CDH13: variants seen among roughly 807,000 people sequenced by gnomAD.
CDH13 encodes the protein cadherin-13.
Under a neutral mutation model 63.8 loss-of-function variants are expected in CDH13, and 24 were observed. The observed-to-expected ratio is 0.38, with a 90% CI of 0.27 to 0.53. CDH13 has a LOEUF of 0.53. CDH13 is among the 20% of genes least tolerant of loss of function. CDH13 has a pLI of 0.85. For synonymous variants in CDH13, 503 were observed against 355.3 expected (o/e 1.42, Z -4.67); for missense variants, 1,049 against 903.1 (o/e 1.16, Z -2.07).
chr16:83,061,761 C>G (rs374637457), intron 3 of CDH13, among the ~76,000 whole-genome samples: 2 of 152,154 alleles, frequency 1.3e-5, no homozygotes, highest in African/African-American at 4.8e-5. Context: ...AATAAAGAAG[C>G]CTCACCCCAG....
chr16:83,610,794 G>C (rs776961205), intron 8 of CDH13, among the ~76,000 whole-genome samples: 2 of 152,122 alleles, frequency 1.3e-5, no homozygotes, highest in African/African-American at 4.8e-5. Context: ...TGTGTCTTTT[G>C]GTGCATATTT....
At chr16:83,316,272 G>A (rs1188187922) in intron 5 of CDH13, among the ~76,000 whole-genome samples, 1 of 152,174 alleles carries the variant, frequency 6.6e-6, no homozygotes, top group Non-Finnish European at 1.5e-5. Flanking sequence ...GTGAGATTTA[G>A]GTGTGTGACA....
At chr16:83,508,792 C>G (rs1003184069) in intron 7 of CDH13, among the ~76,000 whole-genome samples, 2 of 152,186 alleles carry the variant, frequency 1.3e-5, no homozygotes, top group African/African-American at 4.8e-5. Flanking sequence ...TATTTGCACT[C>G]AAATAGGCAG....
At chr16:83,408,859 T>A (rs1255406701) in intron 6 of CDH13, among the ~76,000 whole-genome samples, 1 of 152,150 alleles carries the variant, frequency 6.6e-6, no homozygotes, top group Admixed American at 6.6e-5. Flanking sequence ...CCAGGAAGCA[T>A]GCAGGAGACT....
chr16:82,656,047 G>A (rs1015923836), intron 1 of CDH13, among the ~76,000 whole-genome samples: 20 of 152,282 alleles, frequency 1.3e-4, no homozygotes, highest in African/African-American at 4.6e-4. Context: ...GAAAATGCTG[G>A]TCTAGCAAAA....
At chr16:82,829,607 A>C (rs2151111119) in intron 1 of CDH13, 1 of 152,262 alleles carries the variant, frequency 6.6e-6, no homozygotes, top group South Asian at 2.1e-4. Context: ...TATTTCCTGC[A>C]ACATGAGTTA....
At chr16:82,649,902 T>A (rs1005111333) in intron 1 of CDH13, among the ~76,000 whole-genome samples, 1 of 152,110 alleles carries the variant, frequency 6.6e-6, no homozygotes, top group Non-Finnish European at 1.5e-5. Context: ...CTGGGGTTCC[T>A]GAGAGGAGGA....
chr16:82,920,840 T>A (rs928372732), intron 2 of CDH13, among the ~76,000 whole-genome samples: 2 of 152,230 alleles, frequency 1.3e-5, no homozygotes, highest in African/African-American at 4.8e-5. Flanking sequence ...TAAACATTTA[T>A]ACCACTAAGT....
chr16:83,016,510 A>G (rs1294703128), intron 2 of CDH13, among the ~76,000 whole-genome samples: 1 of 152,208 alleles, frequency 6.6e-6, no homozygotes, highest in Non-Finnish European at 1.5e-5. Context: ...ACCAAAGGGC[A>G]GGTTAGGTCA....
chr16:83,726,014 CTT>C (rs1428566952), intron 10 of CDH13: 1 of 152,196 alleles, frequency 6.6e-6, no homozygotes, highest in Admixed American at 6.5e-5. Context: ...TCTTTCCTGA[CTT>C]TATTTTTCTC....
At chr16:83,569,013 G>A (rs981883067) in intron 7 of CDH13, among the ~76,000 whole-genome samples, 3 of 152,056 alleles carry the variant, frequency 2.0e-5, no homozygotes, top group African/African-American at 4.8e-5. Flanking sequence ...CTTGCCTAGT[G>A]CAGCAATTCC....
chr16:82,936,393 T>C lies in CDH13; in HGVS notation c.157+77920T>C, dbSNP rs190657930. 2.8e-3 allele frequency among the ~76,000 whole-genome samples: 427 copies of C among 152,244 alleles called. 2 individuals carry two copies. Among genetic ancestry groups the C allele is most frequent in the Non-Finnish European group, 4.7e-3 (322 of 68,028 alleles). On this transcript the variant is annotated intron_variant, in intron 2 of 13. Coordinates refer to ENST00000567109, the MANE Select transcript of CDH13 (RefSeq NM_001257.5). ...GAATTGTACATGCCAGGGATCTAGATTGTGTGCTCCTTATGAGAATGTAAT... is the reference window on the plus strand; with the variant it reads ...GAATTGTACATGCCAGGGATCTAGACTGTGTGCTCCTTATGAGAATGTAAT...
intron 5 of CDH13, among the ~76,000 whole-genome samples, chr16:83,331,860 C>CT (rs1362498428): frequency 1.3e-5 from 2 of 152,060 alleles, no homozygotes; most frequent in Admixed American, 1.3e-4. Flanking sequence ...TCTTTTATAA[C>CT]ATTGTGTTGA....
At chr16:83,443,691 T>C (rs1316364132) in intron 6 of CDH13, among the ~76,000 whole-genome samples, 1 of 125,626 alleles carries the variant, frequency 8.0e-6, no homozygotes, top group African/African-American at 3.4e-5. Flanking sequence ...GGCAACAGAG[T>C]GCGAAGTCCC....
At chr16:83,427,335 A>G (rs1175454491) in intron 6 of CDH13, among the ~76,000 whole-genome samples, 1 of 152,144 alleles carries the variant, frequency 6.6e-6, no homozygotes, top group Admixed American at 6.5e-5. Context: ...TGTCCTTACA[A>G]GAGGGATAGA....
intron 2 of CDH13, among the ~76,000 whole-genome samples, chr16:82,892,569 T>A (rs2041116639): frequency 6.6e-6 from 1 of 152,196 alleles, no homozygotes. Context: ...GGCAAAACAG[T>A]TATTTCAATG....
chr16:83,026,968 G>T (rs1253572218), intron 2 of CDH13, among the ~76,000 whole-genome samples: 1 of 152,088 alleles, frequency 6.6e-6, no homozygotes, highest in Non-Finnish European at 1.5e-5. Context: ...GGGGCCAAGG[G>T]GAGAGCATAG....
chr16:82,983,071 T>C (rs1166147334), intron 2 of CDH13, among the ~76,000 whole-genome samples: 1 of 152,164 alleles, frequency 6.6e-6, no homozygotes, highest in Non-Finnish European at 1.5e-5. Context: ...GCTGACGCTA[T>C]GGTTTTTATT....
At chr16:83,469,648 T>C (rs1388118268) in intron 6 of CDH13, among the ~76,000 whole-genome samples, 1 of 152,158 alleles carries the variant, frequency 6.6e-6, no homozygotes, top group East Asian at 1.9e-4. Context: ...CCCAGCAAAA[T>C]GTGGCCAGTG....
Sources: allele counts gnomAD v4.1 joint callset (sites outside exome capture counted in the v4.1 genomes callset), GRCh38; gene constraint gnomAD v4.1.1; transcripts MANE v1.5; gene names NCBI Gene and HGNC (gene_info 2026-07-23, HGNC 2026-07-21).